Variants in NRXN1 observed in about 807,000 individuals in gnomAD.
NRXN1 encodes neurexin 1, also known as neurexin-1.
In NRXN1, 39 loss-of-function variants were observed where a neutral mutation model predicts 150.9. The observed-to-expected ratio is 0.26, with a 90% CI of 0.20 to 0.34. The LOEUF is 0.34. Ranked by LOEUF, NRXN1 falls within the 10% of genes least tolerant of loss-of-function variation. The pLI is 1.00. For missense variants in NRXN1, 1,815 were observed against 1,949.9 expected (o/e 0.93, Z 1.30); for synonymous variants, 924 against 757.0 (o/e 1.22, Z -3.62).
intron 8 of NRXN1, among the ~76,000 whole-genome samples, chr2:50,588,337 A>G (rs769587068): frequency 6.6e-6 from 1 of 152,192 alleles, no homozygotes; most frequent in Non-Finnish European, 1.5e-5. Context: ...ATAACATTAA[A>G]CTAAATAGTA....
intron 21 of NRXN1, chr2:50,023,680 G>A (rs1687886732): frequency 6.6e-6 from 1 of 152,016 alleles, no homozygotes; most frequent in Admixed American, 6.6e-5. Flanking sequence ...ATTCACTTCG[G>A]GGCCGAATAT....
At chr2:50,792,136 C>A (rs958348491) in intron 5 of NRXN1, among the ~76,000 whole-genome samples, 5 of 152,000 alleles carry the variant, frequency 3.3e-5, no homozygotes, top group African/African-American at 4.8e-5. Context: ...ATTAGCTTTG[C>A]GACTTTGGGT....
At chr2:50,556,166 C>T (rs1221466992) in intron 8 of NRXN1, among the ~76,000 whole-genome samples, 1 of 152,070 alleles carries the variant, frequency 6.6e-6, no homozygotes, top group Admixed American at 6.6e-5. Context: ...TTTCATCTGA[C>T]CCAGATTTTA....
At chr2:50,618,049 A>G (rs1679330501) in intron 8 of NRXN1, among the ~76,000 whole-genome samples, 1 of 152,128 alleles carries the variant, frequency 6.6e-6, no homozygotes, top group African/African-American at 2.4e-5. Flanking sequence ...CATTTCTGCT[A>G]GAGTTCCCTC....
intron 17 of NRXN1, among the ~76,000 whole-genome samples, chr2:50,258,445 A>T (rs537727886): frequency 6.6e-6 from 1 of 152,136 alleles, no homozygotes; most frequent in Admixed American, 6.6e-5. Context: ...TTATCATGAG[A>T]TTGCAGCAAT....
intron 15 of NRXN1, among the ~76,000 whole-genome samples, chr2:50,481,703 T>C (rs1426236017): frequency 1.3e-5 from 2 of 151,916 alleles, no homozygotes; most frequent in Non-Finnish European, 2.9e-5. Context: ...GAGTTAATAT[T>C]GTTATTATCC....
intron 21 of NRXN1, among the ~76,000 whole-genome samples, chr2:49,985,823 C>G (rs568334717): frequency 1.5e-4 from 22 of 148,142 alleles, no homozygotes; most frequent in African/African-American, 5.4e-4. Context: ...ATATTTACAA[C>G]AAAAAAAAAA....
intron 17 of NRXN1, among the ~76,000 whole-genome samples, chr2:50,299,595 C>A (rs1490269082): frequency 6.6e-6 from 1 of 152,072 alleles, no homozygotes. Flanking sequence ...GGAAATAAAT[C>A]ATATTAAGTA....
At chr2:50,328,797 T>C (rs2076557838) in intron 17 of NRXN1, among the ~76,000 whole-genome samples, 1 of 152,148 alleles carries the variant, frequency 6.6e-6, no homozygotes, top group African/African-American at 2.4e-5. Flanking sequence ...GTCACCGCTA[T>C]AAACTTCTGT....
chr2:50,794,138 G>A (rs992016968), intron 5 of NRXN1, among the ~76,000 whole-genome samples: 1 of 152,078 alleles, frequency 6.6e-6, no homozygotes, highest in Admixed American at 6.6e-5. Flanking sequence ...AGTAGAAGGA[G>A]AATCAGCATC....
At chr2:50,128,271 T>C (rs543859858) in intron 18 of NRXN1, among the ~76,000 whole-genome samples, 32 of 152,188 alleles carry the variant, frequency 2.1e-4, no homozygotes, top group African/African-American at 7.0e-4. Context: ...AAAAAAGAGA[T>C]AGAGAAAGAC....
chr2:50,111,389 C>A (rs184114657), intron 18 of NRXN1, among the ~76,000 whole-genome samples: 11 of 152,200 alleles, frequency 7.2e-5, no homozygotes, highest in Middle Eastern at 3.4e-3. Flanking sequence ...CTCCCGTAAT[C>A]CCAGCACTTT....
chr2:50,263,828 A>G (rs1348472034), intron 17 of NRXN1, among the ~76,000 whole-genome samples: 1 of 152,142 alleles, frequency 6.6e-6, no homozygotes, highest in Non-Finnish European at 1.5e-5. Flanking sequence ...AGGAGTCAAC[A>G]TAACTTTGTA....
chr2:50,858,673 A>T (rs1281790237), intron 5 of NRXN1, among the ~76,000 whole-genome samples: 1 of 152,164 alleles, frequency 6.6e-6, no homozygotes, highest in East Asian at 1.9e-4. Context: ...AGACTACTTT[A>T]AACATCTGAA....
chr2:50,151,305 T>C (rs1168569075), intron 18 of NRXN1, among the ~76,000 whole-genome samples: 2 of 151,738 alleles, frequency 1.3e-5, no homozygotes, highest in Non-Finnish European at 2.9e-5. Flanking sequence ...CAAACAATTC[T>C]AATCATATTC....
intron 18 of NRXN1, among the ~76,000 whole-genome samples, chr2:50,190,138 G>A (rs2061354968): frequency 6.6e-6 from 1 of 152,040 alleles, no homozygotes; most frequent in East Asian, 1.9e-4. Flanking sequence ...AGAAACTAGA[G>A]TAAGATCATG....
At chr2:50,561,383 G>A (rs1201428812) in intron 8 of NRXN1, among the ~76,000 whole-genome samples, 3 of 152,214 alleles carry the variant, frequency 2.0e-5, no homozygotes, top group East Asian at 1.9e-4. Flanking sequence ...TGTCAGTAAT[G>A]TGAAGTTTCA....
chr2:50,175,857 T>G (rs1393518092), intron 18 of NRXN1, among the ~76,000 whole-genome samples: 1 of 152,162 alleles, frequency 6.6e-6, no homozygotes, highest in African/African-American at 2.4e-5. Flanking sequence ...GATTTTCTTC[T>G]CATATTATGT....
chr2:49,948,939 C>T (rs1404921135), intron 21 of NRXN1, among the ~76,000 whole-genome samples: 1 of 152,090 alleles, frequency 6.6e-6, no homozygotes, highest in East Asian at 1.9e-4. Flanking sequence ...AATTGCTATG[C>T]TGATCTTCCT....
Sources: gnomAD v4.1 joint callset for allele counts (sites outside exome capture counted in the v4.1 genomes callset) on GRCh38, gnomAD v4.1.1 for gene constraint, MANE v1.5 for transcripts, NCBI Gene and HGNC (gene_info 2026-07-23, HGNC 2026-07-21) for gene names.